ALPK2: variants seen among roughly 807,000 people sequenced by gnomAD.
ALPK2 encodes alpha kinase 2.
Under a neutral mutation model 163.1 loss-of-function variants are expected in ALPK2, and 127 were observed. The observed-to-expected ratio is 0.78, with a 90% CI of 0.67 to 0.90. ALPK2 has a LOEUF of 0.90. Ranked by LOEUF, ALPK2 falls within the 40% of genes least tolerant of loss-of-function variation. ALPK2 has a pLI of 0.00. For synonymous variants in ALPK2, 953 were observed against 959.1 expected (o/e 0.99, Z 0.12); for missense variants, 2,360 against 2,589.6 (o/e 0.91, Z 1.92).
At chr18:58,532,768 G>C (rs2051622772) in intron 5 of ALPK2, among the ~76,000 whole-genome samples, 1 of 152,194 alleles carries the variant, frequency 6.6e-6, no homozygotes, top group Non-Finnish European at 1.5e-5. Context: ...TTTTATACCT[G>C]AGAGGAGTCT....
chr18:58,549,292 G>C (rs1232026460), intron 4 of ALPK2, among the ~76,000 whole-genome samples: 1 of 152,164 alleles, frequency 6.6e-6, no homozygotes, highest in South Asian at 2.1e-4. Context: ...TACAACAGCA[G>C]GGTTGCATTT....
chr18:58,588,661 C>T (rs971945838), intron 3 of ALPK2, among the ~76,000 whole-genome samples: 1 of 152,106 alleles, frequency 6.6e-6, no homozygotes, highest in African/African-American at 2.4e-5. Context: ...TTTTAGCTCC[C>T]ACTTCTAAGT....
In ALPK2 at chr18:58,573,582, T is replaced by G. The variant is rs117435164; in HGVS notation, c.1962+5232A>C. On this transcript the variant is annotated intron_variant, in intron 4 of 12. Transcript: ENST00000361673. ...TTTAATTGGAACTCTGCCAACACTT[T>G]TATCTAGAGGCATGTTGCCATTTTT... Among the ~76,000 whole-genome samples the G allele has an allele frequency of 8.4e-4, 124 of 148,162 alleles. 1 individual carries two copies. The East Asian group carries it at 0.013, about 16-fold the overall frequency.
At chr18:58,595,428 T>C (rs2052036120) in intron 3 of ALPK2, among the ~76,000 whole-genome samples, 1 of 152,206 alleles carries the variant, frequency 6.6e-6, no homozygotes. Flanking sequence ...CCTTTTTGAA[T>C]TATATTCCAG....
At chr18:58,582,266 T>A (rs367904003) in intron 3 of ALPK2, among the ~76,000 whole-genome samples, 5 of 152,232 alleles carry the variant, frequency 3.3e-5, no homozygotes, top group East Asian at 3.8e-4. Flanking sequence ...CCAGACGAAT[T>A]CTTCAAGAAG....
chr18:58,540,828 T>C (rs1820066206), intron 4 of ALPK2, among the ~76,000 whole-genome samples: 2 of 152,228 alleles, frequency 1.3e-5, no homozygotes, highest in Admixed American at 1.3e-4. Context: ...CTGGGCAATT[T>C]TTTCCAAAGG....
At chr18:58,574,464 T>C (rs943718048) in intron 4 of ALPK2, among the ~76,000 whole-genome samples, 23 of 148,712 alleles carry the variant, frequency 1.5e-4, no homozygotes, top group African/African-American at 5.5e-4. Context: ...AAAAAAAGAT[T>C]TGGATGGTTT....
intron 4 of ALPK2, among the ~76,000 whole-genome samples, chr18:58,549,896 C>G (rs186594913): frequency 7.9e-5 from 12 of 152,224 alleles, no homozygotes; most frequent in Non-Finnish European, 1.8e-4. Context: ...CTCCTGTCCT[C>G]TCAGTTTCCC....
At chr18:58,562,263 C>T (rs548013318) in intron 4 of ALPK2, among the ~76,000 whole-genome samples, 1 of 152,206 alleles carries the variant, frequency 6.6e-6, no homozygotes, top group African/African-American at 2.4e-5. Context: ...GATGGCAACA[C>T]TTCTGTTTCT....
chr18:58,613,636 T>C (rs2144234309), intron 1 of ALPK2, among the ~76,000 whole-genome samples: 1 of 150,334 alleles, frequency 6.7e-6, no homozygotes, highest in Non-Finnish European at 1.5e-5. Context: ...GAGGCAGAGG[T>C]TGCGGTGAGC....
intron 4 of ALPK2, 78 bp downstream of exon 4, chr18:58,578,736 A>ACACACGCGCGCG (rs1555673981): frequency 2.6e-6 from 2 of 760,804 alleles, no homozygotes; most frequent in Admixed American, 5.6e-5. Flanking sequence ...AGGAAGAGAC[A>ACACACGCGCGCG]CACACACACA....
Position 58,536,310 on chromosome 18 carries a change from T to C in ALPK2, c.3877A>G (p.Ile1293Val). The C allele has an allele frequency of 6.2e-7, 1 of 1,614,208 alleles. No homozygotes were observed. The highest frequency in any genetic ancestry group is 8.5e-7 in the Non-Finnish European group (1 of 1,180,016). Reference protein sequence around the residue: ...AVVPELAPSEIAALAHSPEDA... With the variant: ...AVVPELAPSEVAALAHSPEDA... ...TCTGGACTGTGAGCCAATGCTGCTATTTCAGAGGGGGCCAATTCAGGCACA... is the reference window on the plus strand; with the variant it reads ...TCTGGACTGTGAGCCAATGCTGCTACTTCAGAGGGGGCCAATTCAGGCACA... The change falls in exon 5 of 13, where the codon ATA (isoleucine) becomes GTA (valine). Residue 1293 changes from isoleucine to valine, a missense_variant. By Grantham distance (29) the Ile-to-Val change is conservative (BLOSUM62 3). Transcript: ENST00000361673.
intron 1 of ALPK2, among the ~76,000 whole-genome samples, chr18:58,626,695 A>C (rs554547140): frequency 3.9e-4 from 60 of 152,336 alleles, no homozygotes; most frequent in South Asian, 1.0e-3. Context: ...TAGTAAAAAA[A>C]AATTTTTTCT....
Position 58,537,243 on chromosome 18 carries a change from C to A in ALPK2, c.2944G>T (p.Val982Leu), listed in dbSNP as rs1222533885. ...GTTGGCTTCTCCCAAGGAAAACTCA[C>A]AATTGAACTATAACTGGCTGGTGTG... Reference protein sequence around the residue: ...TATPASYSSIVSFPWEKPTTL... With the variant: ...TATPASYSSILSFPWEKPTTL... Residue 982 changes from valine to leucine, a missense_variant, in exon 5 of 13, where the codon GTG (valine) becomes TTG (leucine). Val to Leu is a conservative substitution (Grantham distance 32). Transcript: ENST00000361673. 4 of 1,614,070 alleles carry A rather than the reference C, an allele frequency of 2.5e-6. No individual in the cohort carries two copies. In the African/African-American group the frequency reaches 4.0e-5, roughly 16 times the overall value.
At chr18:58,591,902 C>G (rs563004272) in intron 3 of ALPK2, among the ~76,000 whole-genome samples, 3 of 152,286 alleles carry the variant, frequency 2.0e-5, no homozygotes, top group South Asian at 4.2e-4. Flanking sequence ...CCAGGTGGAT[C>G]AGGAGATATG....
At chr18:58,622,583 A>T (rs1056544330) in intron 1 of ALPK2, among the ~76,000 whole-genome samples, 2 of 152,210 alleles carry the variant, frequency 1.3e-5, no homozygotes, top group Admixed American at 6.5e-5. Context: ...AGGAGAACTT[A>T]TGGTGCTATA....
intron 1 of ALPK2, among the ~76,000 whole-genome samples, chr18:58,625,098 C>A (rs1464026564): frequency 6.6e-6 from 1 of 152,042 alleles, no homozygotes; most frequent in African/African-American, 2.4e-5. Context: ...CACTTTCCAT[C>A]TCAATCTGTT....
At chr18:58,485,453 T>A (rs1167229255) in intron 12 of ALPK2, among the ~76,000 whole-genome samples, 1 of 152,180 alleles carries the variant, frequency 6.6e-6, no homozygotes, top group Non-Finnish European at 1.5e-5. Context: ...CCGTGATTGT[T>A]ATAAATCCAG....
chr18:58,618,349 C>A (rs1479880519), intron 1 of ALPK2, among the ~76,000 whole-genome samples: 1 of 152,162 alleles, frequency 6.6e-6, no homozygotes, highest in African/African-American at 2.4e-5. Flanking sequence ...GCCTGGCCTA[C>A]ATATCACATT....
Sources: gnomAD v4.1 joint callset for allele counts (sites outside exome capture counted in the v4.1 genomes callset) on GRCh38, gnomAD v4.1.1 for gene constraint, MANE v1.5 for transcripts, NCBI Gene and HGNC (gene_info 2026-07-23, HGNC 2026-07-21) for gene names.